The following FLT1 variants were observed in gnomAD, a reference collection of about 807,000 sequenced individuals.
FLT1 encodes the protein fms related receptor tyrosine kinase 1.
In FLT1, 49 loss-of-function variants were observed where a neutral mutation model predicts 156.3. That is an observed-to-expected ratio of 0.31 (90% CI 0.25 to 0.40). FLT1 has a LOEUF of 0.40. Ranked by LOEUF, FLT1 falls within the 10% of genes least tolerant of loss-of-function variation. The probability of loss-of-function intolerance (pLI) is 1.00; values close to 1 mark genes in which losing one functional copy is unlikely to be tolerated. For synonymous variants in FLT1, 594 were observed against 583.8 expected, an observed-to-expected ratio of 1.02 and a Z score of -0.25; for missense variants, 1,322 against 1,637.2, an observed-to-expected ratio of 0.81 and a Z score of 3.32.
intron 15 of FLT1, among the ~76,000 whole-genome samples, chr13:28,355,845 C>T (rs1043852367): frequency 1.3e-5 from 2 of 152,174 alleles, no homozygotes; most frequent in African/African-American, 4.8e-5. Context: ...GAAGGGTGGT[C>T]GTTCTGAAGG....
At chr13:28,335,274 G>C (rs1342405702) in intron 17 of FLT1, among the ~76,000 whole-genome samples, 2 of 152,080 alleles carry the variant, frequency 1.3e-5, no homozygotes, top group African/African-American at 2.4e-5. Flanking sequence ...ACCACTGGTT[G>C]GTTAAAACTA....
chr13:28,416,871 A>G (rs1408867773), intron 10 of FLT1, among the ~76,000 whole-genome samples: 3 of 152,336 alleles, frequency 2.0e-5, no homozygotes, highest in Admixed American at 6.5e-5. Context: ...TATAATTTTC[A>G]ATGATGATGA....
At chr13:28,480,374 A>G (rs1162188350) in intron 1 of FLT1, among the ~76,000 whole-genome samples, 1 of 152,232 alleles carries the variant, frequency 6.6e-6, no homozygotes, top group Non-Finnish European at 1.5e-5. Flanking sequence ...GACAACAGAT[A>G]AATAAGTATA....
chr13:28,405,417 C>T (rs758995106), intron 11 of FLT1, among the ~76,000 whole-genome samples: 17 of 152,150 alleles, frequency 1.1e-4, no homozygotes, highest in Non-Finnish European at 2.2e-4. Context: ...CCGTTAGGTA[C>T]TGGAATCACC....
chr13:28,415,349 C>T (rs141750787), intron 10 of FLT1, among the ~76,000 whole-genome samples: 3,532 of 152,134 alleles, frequency 0.023, 148 homozygotes, highest in African/African-American at 0.08. Context: ...GGCGTGGTGG[C>T]GCATGCCTGT....
intron 1 of FLT1, among the ~76,000 whole-genome samples, chr13:28,469,177 G>T (rs1317076620): frequency 2.0e-5 from 3 of 152,170 alleles, no homozygotes; most frequent in African/African-American, 4.8e-5. Context: ...AGAGAGGAAA[G>T]AAATTCTTGG....
intron 15 of FLT1, among the ~76,000 whole-genome samples, chr13:28,352,091 T>C (rs1373087571): frequency 6.6e-6 from 1 of 152,170 alleles, no homozygotes; most frequent in Non-Finnish European, 1.5e-5. Flanking sequence ...ATGGGTCTTT[T>C]TAACCACCGT....
At position 28,382,385 on chromosome 13, in the gene FLT1, C is replaced by T. The variant is rs763706679; in HGVS notation, c.2116+2500G>A. Among the ~76,000 whole-genome samples, 9 of 152,176 alleles carry T rather than the reference C, an allele frequency of 5.9e-5. No individual in the cohort carries two copies. The South Asian group carries it at 1.9e-3, about 32-fold the overall frequency. ...TGCTGGAATATAAAGTTATAAAATTCAAGTCAGGCGACTCTGAGCATAACG... is the reference window on the plus strand; with the variant it reads ...TGCTGGAATATAAAGTTATAAAATTTAAGTCAGGCGACTCTGAGCATAACG... On this transcript the variant is annotated intron_variant, in intron 14 of 29. Coordinates refer to ENST00000282397, the MANE Select transcript of FLT1 (RefSeq NM_002019.4).
chr13:28,386,144 A>C, intron 13 of FLT1: 1 of 1,053,498 alleles, frequency 9.5e-7, no homozygotes, highest in Non-Finnish European at 1.1e-6. Flanking sequence ...TAAAACTGTG[A>C]AGGCAGCTTA....
intron 14 of FLT1, among the ~76,000 whole-genome samples, chr13:28,376,464 C>G (rs1490925695): frequency 6.6e-6 from 1 of 152,180 alleles, no homozygotes; most frequent in African/African-American, 2.4e-5. Context: ...TTCAGGCAGG[C>G]TTTACTAAGA....
chr13:28,334,165 G>C, intron 17 of FLT1, 36 bp from the exon 18 acceptor site: 1 of 1,358,224 alleles, frequency 7.4e-7, no homozygotes, highest in Non-Finnish European at 1.1e-6. Flanking sequence ...TGTTTGCCGA[G>C]GCAATAGGGT....
At chr13:28,341,892 A>G (rs1872347103) in intron 16 of FLT1, among the ~76,000 whole-genome samples, 1 of 151,894 alleles carries the variant, frequency 6.6e-6, no homozygotes, top group African/African-American at 2.4e-5. Flanking sequence ...GTTATTTTTT[A>G]TATTTTTTAG....
intron 4 of FLT1, among the ~76,000 whole-genome samples, chr13:28,434,461 T>C (rs566751377): frequency 2.8e-4 from 42 of 152,352 alleles, no homozygotes; most frequent in African/African-American, 9.9e-4. Context: ...TAATTTACTA[T>C]CAGCCTTGGC....
chr13:28,440,870 T>C (rs1253683974), intron 3 of FLT1, among the ~76,000 whole-genome samples: 1 of 152,202 alleles, frequency 6.6e-6, no homozygotes, highest in Non-Finnish European at 1.5e-5. Flanking sequence ...TTTGAACTTA[T>C]GAACAAAGTG....
intron 3 of FLT1, among the ~76,000 whole-genome samples, chr13:28,460,059 T>C (rs184455044): frequency 5.6e-4 from 85 of 152,360 alleles, no homozygotes; most frequent in Non-Finnish European, 9.8e-4. Flanking sequence ...TTATTGGACT[T>C]GCCATACCAG....
chr13:28,394,026 G>C (rs1355450301), intron 12 of FLT1, among the ~76,000 whole-genome samples: 1 of 152,086 alleles, frequency 6.6e-6, no homozygotes, highest in Non-Finnish European at 1.5e-5. Context: ...TATAAACACT[G>C]AACAAATATA....
chr13:28,445,661 T>TAACAACAACAAC (rs140487705), intron 3 of FLT1, among the ~76,000 whole-genome samples: 3 of 151,694 alleles, frequency 2.0e-5, no homozygotes, highest in African/African-American at 7.3e-5. Flanking sequence ...GATTGAATTG[T>TAACAACAACAAC]AACAACAACA....
chr13:28,474,012 T>C (rs1225353109), intron 1 of FLT1, among the ~76,000 whole-genome samples: 2 of 151,928 alleles, frequency 1.3e-5, no homozygotes, highest in African/African-American at 4.8e-5. Context: ...GAAAACGTCA[T>C]GTAAGCACAC....
At chr13:28,473,834 GAAAGGAAGA>G (rs1880385214) in intron 1 of FLT1, among the ~76,000 whole-genome samples, 8 of 121,918 alleles carry the variant, frequency 6.6e-5, no homozygotes, top group Admixed American at 1.7e-4. Flanking sequence ...AAGAAAGAAA[GAAAGGAAGA>G]AAGAAAGAAA....
Sources: gnomAD v4.1 joint callset for allele counts (sites outside exome capture counted in the v4.1 genomes callset) on GRCh38, gnomAD v4.1.1 for gene constraint, MANE v1.5 for transcripts, NCBI Gene and HGNC (gene_info 2026-07-23, HGNC 2026-07-21) for gene names.